The following NRXN1 variants were observed in gnomAD, a reference collection of about 807,000 sequenced individuals.
The protein encoded by NRXN1 is neurexin 1.
Under a neutral mutation model 150.9 loss-of-function variants are expected in NRXN1, and 39 were observed. The observed-to-expected ratio is 0.26, with a 90% CI of 0.20 to 0.34. NRXN1 has a LOEUF of 0.34. Among genes scored for constraint, NRXN1 ranks in the 10% least tolerant of loss-of-function variants. NRXN1 has a pLI of 1.00. For missense variants in NRXN1, 1,815 were observed against 1,949.9 expected, an observed-to-expected ratio of 0.93 and a Z score of 1.30; for synonymous variants, 924 against 757.0, an observed-to-expected ratio of 1.22 and a Z score of -3.62.
intron 21 of NRXN1, among the ~76,000 whole-genome samples, chr2:49,944,085 A>T (rs1328759231): frequency 6.6e-6 from 1 of 152,226 alleles, no homozygotes; most frequent in Non-Finnish European, 1.5e-5. Context: ...ACAGAGGTTT[A>T]AAACAACCTG....
intron 5 of NRXN1, among the ~76,000 whole-genome samples, chr2:50,662,282 G>C (rs1687408549): frequency 6.6e-6 from 1 of 151,886 alleles, no homozygotes; most frequent in Non-Finnish European, 1.5e-5. Context: ...CACCTACATG[G>C]TATGTTTTGA....
intron 5 of NRXN1, among the ~76,000 whole-genome samples, chr2:50,669,653 T>C (rs1688556275): frequency 6.6e-6 from 1 of 151,740 alleles, no homozygotes; most frequent in South Asian, 2.1e-4. Flanking sequence ...AGGTCCTTTT[T>C]ATTCCCATCC....
At chr2:50,753,184 T>A (rs1700797179) in intron 5 of NRXN1, among the ~76,000 whole-genome samples, 1 of 151,928 alleles carries the variant, frequency 6.6e-6, no homozygotes, top group African/African-American at 2.4e-5. Context: ...ATTTTACCTT[T>A]AATATTTGGA....
chr2:50,720,842 TC>T (rs1272917009), intron 5 of NRXN1, among the ~76,000 whole-genome samples: 3 of 152,066 alleles, frequency 2.0e-5, no homozygotes, highest in Non-Finnish European at 4.4e-5. Context: ...GCATTCCCTC[TC>T]CCACCCCATC....
chr2:50,513,795 C>A (rs529189597), intron 12 of NRXN1, among the ~76,000 whole-genome samples: 83 of 151,984 alleles, frequency 5.5e-4, no homozygotes, highest in Non-Finnish European at 1.1e-3. Flanking sequence ...GTGGATGTAG[C>A]TGTACAGAAA....
chr2:50,441,530 G>T (rs562785008), intron 17 of NRXN1, among the ~76,000 whole-genome samples: 1 of 152,220 alleles, frequency 6.6e-6, no homozygotes, highest in African/African-American at 2.4e-5. Context: ...CTTTCCAGCA[G>T]TAGGTGGGAA....
At chr2:50,606,749 T>G (rs372143761) in intron 8 of NRXN1, among the ~76,000 whole-genome samples, 49 of 151,986 alleles carry the variant, frequency 3.2e-4, no homozygotes, top group Non-Finnish European at 6.6e-4. Context: ...AGATTGAAAA[T>G]TAAAGAATAA....
At chr2:50,284,191 G>A (rs529392193) in intron 17 of NRXN1, among the ~76,000 whole-genome samples, 1 of 152,296 alleles carries the variant, frequency 6.6e-6, no homozygotes, top group South Asian at 2.1e-4. Context: ...TCTGTCAACA[G>A]TCATTGATGA....
chr2:50,137,894 G>A (rs1419888979), intron 18 of NRXN1, among the ~76,000 whole-genome samples: 2 of 152,138 alleles, frequency 1.3e-5, no homozygotes, highest in Admixed American at 6.5e-5. Flanking sequence ...GGAGCCTCAC[G>A]TTCTTAGATT....
At chr2:50,046,301 C>A (rs1397494172) in intron 21 of NRXN1, among the ~76,000 whole-genome samples, 1 of 152,174 alleles carries the variant, frequency 6.6e-6, no homozygotes, top group African/African-American at 2.4e-5. Flanking sequence ...CGCTTGCTTC[C>A]CATACATACA....
chr2:50,069,656 C>T (rs965123500), intron 19 of NRXN1, among the ~76,000 whole-genome samples: 1 of 151,770 alleles, frequency 6.6e-6, no homozygotes, highest in Non-Finnish European at 1.5e-5. Context: ...TAAGCCATTA[C>T]ATTTTTCTGA....
chr2:50,219,303 G>A (rs1477283648), intron 18 of NRXN1, among the ~76,000 whole-genome samples: 3 of 150,338 alleles, frequency 2.0e-5, no homozygotes, highest in East Asian at 4.0e-4. Flanking sequence ...GTCTTTTTAT[G>A]TATCTCTTTT....
At chr2:50,475,180 G>C (rs77536117) in intron 15 of NRXN1, among the ~76,000 whole-genome samples, 1 of 151,954 alleles carries the variant, frequency 6.6e-6, no homozygotes, top group Admixed American at 6.6e-5. Flanking sequence ...AAGAATTCTT[G>C]GCACAGCTTT....
intron 17 of NRXN1, among the ~76,000 whole-genome samples, chr2:50,359,138 C>A (rs527456828): frequency 6.6e-6 from 1 of 152,060 alleles, no homozygotes; most frequent in Non-Finnish European, 1.5e-5. Context: ...GACAAATCCA[C>A]AAAGATGAAG....
chr2:49,954,238 TA>T (rs1347215735), intron 21 of NRXN1, among the ~76,000 whole-genome samples: 1 of 152,114 alleles, frequency 6.6e-6, no homozygotes, highest in Non-Finnish European at 1.5e-5. Flanking sequence ...GGCTGCTTCC[TA>T]TTATGCCAGC....
chr2:50,591,519 T>G (rs1674246100), intron 8 of NRXN1, among the ~76,000 whole-genome samples: 1 of 152,066 alleles, frequency 6.6e-6, no homozygotes, highest in East Asian at 1.9e-4. Context: ...ATGATAGTGA[T>G]GTAAAAAAAT....
At chr2:50,694,904 T>A (rs1692595735) in intron 5 of NRXN1, among the ~76,000 whole-genome samples, 1 of 152,148 alleles carries the variant, frequency 6.6e-6, no homozygotes, top group Non-Finnish European at 1.5e-5. Flanking sequence ...ATTGGGTACT[T>A]TAGATCCTGG....
intron 17 of NRXN1, among the ~76,000 whole-genome samples, chr2:50,349,395 T>TCGTGAATTATTCGTTTTAAAA (rs1210927462): frequency 6.6e-6 from 1 of 152,118 alleles, no homozygotes; most frequent in Non-Finnish European, 1.5e-5. Context: ...CTAACAAGAG[T>TCGTGAATTATTCGTTTTAAAA]CGTGATTATT....
intron 17 of NRXN1, among the ~76,000 whole-genome samples, chr2:50,255,308 A>G (rs2067589370): frequency 6.6e-6 from 1 of 152,196 alleles, no homozygotes; most frequent in Non-Finnish European, 1.5e-5. Flanking sequence ...AAGAAAAGAA[A>G]GAGGTTCTCT....
Sources: gnomAD v4.1 joint callset for allele counts (sites outside exome capture counted in the v4.1 genomes callset) on GRCh38, gnomAD v4.1.1 for gene constraint, MANE v1.5 for transcripts, NCBI Gene and HGNC (gene_info 2026-07-23, HGNC 2026-07-21) for gene names.